Variants in KIF24 observed in about 807,000 individuals in gnomAD.
KIF24 encodes kinesin family member 24, also known as kinesin-like protein KIF24.
A neutral mutation model predicts 118.9 loss-of-function variants in KIF24; 81 were observed. That is an observed-to-expected ratio of 0.68 (90% CI 0.57 to 0.82). KIF24 has a LOEUF of 0.82. Among genes scored for constraint, KIF24 ranks in the 40% least tolerant of loss-of-function variants. The probability of loss-of-function intolerance (pLI) is 0.00; values close to 1 mark genes in which losing one functional copy is unlikely to be tolerated. For missense variants in KIF24, 1,560 were observed against 1,661.6 expected, an observed-to-expected ratio of 0.94 and a Z score of 1.06; for synonymous variants, 599 against 610.0, an observed-to-expected ratio of 0.98 and a Z score of 0.27.
chr9:34,329,859 G>GGA (rs1837838321), upstream of KIF24, among the ~76,000 whole-genome samples: 1 of 147,572 alleles, frequency 6.8e-6, no homozygotes, highest in African/African-American at 2.5e-5. Flanking sequence ...GATAGGGTGG[G>GGA]TCGTCCAAAT....
Position 34,293,496 on chromosome 9 carries a change from C to T in KIF24, c.912-3107G>A, listed in dbSNP as rs1363666852. On this transcript the variant is annotated intron_variant, in intron 4 of 12. Transcript: ENST00000402558. Reference sequence around the variant, plus strand: ...CTATCTCAAAAAAAAAAAAAAAGGCCGGACGCGGTGGCTCAGGCCTGTAAT... The same window carrying T: ...CTATCTCAAAAAAAAAAAAAAAGGCTGGACGCGGTGGCTCAGGCCTGTAAT... Among the ~76,000 whole-genome samples, 5 of 131,076 alleles carry T rather than the reference C, an allele frequency of 3.8e-5. No individual in the cohort carries two copies. The East Asian group carries it at 6.6e-4, about 17-fold the overall frequency. The allele number at this position is 131,076 out of a possible 152,430, so 86.0% of individuals were successfully genotyped here.
chr9:34,312,401 G>T (rs1837199005), intron 1 of KIF24, among the ~76,000 whole-genome samples: 1 of 152,148 alleles, frequency 6.6e-6, no homozygotes, highest in Non-Finnish European at 1.5e-5. Context: ...CTATATCACT[G>T]TTAATCAAGT....
intron 1 of KIF24, among the ~76,000 whole-genome samples, chr9:34,312,845 C>G (rs1837213783): frequency 1.3e-5 from 2 of 152,112 alleles, no homozygotes; most frequent in Admixed American, 1.3e-4. Flanking sequence ...TTCACAGGTG[C>G]GTGCCACCAC....
intron 6 of KIF24, among the ~76,000 whole-genome samples, chr9:34,277,063 C>CT (rs1477977944): frequency 2.6e-5 from 4 of 152,116 alleles, no homozygotes; most frequent in Middle Eastern, 3.4e-3. Context: ...TTCTCAAACT[C>CT]TTTTTTTTCT....
At chr9:34,331,916 C>T (rs1837952269), upstream of KIF24, among the ~76,000 whole-genome samples, 1 of 152,228 alleles carries the variant, frequency 6.6e-6, no homozygotes, top group South Asian at 2.1e-4. Context: ...GTCCCTTAGA[C>T]AATGAAATAT....
rs1345747994 is a variant in KIF24, at chr9:34,305,537, G to A, written c.813+715C>T. On this transcript the variant is annotated intron_variant, in intron 3 of 12. Coordinates refer to ENST00000402558, the MANE Select transcript of KIF24 (RefSeq NM_194313.4). ...AAGCAAGAATGGAAATCAACTGTGT[G>A]ACATCTCATAGTCATATATTCAGTG... 2.0e-5 allele frequency among the ~76,000 whole-genome samples: 3 copies of A among 152,334 alleles called. 1 individual carries two copies. In the South Asian group the frequency reaches 6.2e-4, roughly 32 times the overall value.
At chr9:34,278,482 C>T (rs556869969) in intron 6 of KIF24, among the ~76,000 whole-genome samples, 1 of 150,626 alleles carries the variant, frequency 6.6e-6, no homozygotes, top group Non-Finnish European at 1.5e-5. Flanking sequence ...TAAACTATTT[C>T]TTTTTTTCAT....
At position 34,318,969 on chromosome 9, in the gene KIF24, C is replaced by A; in HGVS notation, c.-25-7598G>T. On this transcript the variant is annotated intron_variant, in intron 1 of 12. Transcript: ENST00000402558. The surrounding 1 kb of genome is among the most constrained non-coding windows in gnomAD (Gnocchi z 4.9). The stretch of plus-strand genomic sequence containing the variant: ...ACCGACGGCAAGCTGCCCAAGGTCA[C>A]CAAGGACATGGAGTGCATGGATGGC... The A allele has an allele frequency of 7.2e-7, 1 of 1,387,992 alleles. No individual in the cohort carries two copies. The highest frequency in any genetic ancestry group is 1.0e-6 in the Non-Finnish European group (1 of 979,744). 86.0% of individuals were successfully genotyped at this position (1,387,992 alleles called of 1,614,324 possible).
At chr9:34,285,133 C>T (rs1421964481) in intron 6 of KIF24, among the ~76,000 whole-genome samples, 1 of 151,946 alleles carries the variant, frequency 6.6e-6, no homozygotes, top group East Asian at 1.9e-4. Context: ...TTACATATTT[C>T]TGTAATGTTT....
chr9:34,256,114 C>A lies in KIF24; in HGVS notation c.3493G>T (p.Glu1165Ter). 6.2e-7 allele frequency: 1 copy of A among 1,610,240 alleles called. No homozygotes were observed. ...QSRETVLFSH[E>*]HMGSEQYDAD... is the part of the protein sequence containing the mutation. ...TCATACTGCTCACTACCCATGTGTT[C>A]GTGGGAGAAAAGTACAGTCTCTCTG... The change falls in exon 11 of 13, where the codon GAA (glutamate) becomes TAA (stop). Residue 1165 changes from glutamate to a stop codon, truncating the protein, a stop_gained. Transcript: ENST00000402558. LOFTEE classifies it high-confidence loss of function.
intron 7 of KIF24, 104 bp downstream of exon 7, chr9:34,271,705 G>T: frequency 1.6e-6 from 2 of 1,231,666 alleles, no homozygotes; most frequent in Admixed American, 2.3e-5. Flanking sequence ...TCCCTGCAAT[G>T]AAGAACTCCA....
At chr9:34,283,036 G>A (rs1835905461) in intron 6 of KIF24, among the ~76,000 whole-genome samples, 1 of 101,472 alleles carries the variant, frequency 9.9e-6, no homozygotes, top group Non-Finnish European at 1.8e-5. Flanking sequence ...TGGGCGACAA[G>A]AGCAAAACTC....
At chr9:34,325,495 C>A (rs1458464661) in intron 1 of KIF24, among the ~76,000 whole-genome samples, 1 of 151,976 alleles carries the variant, frequency 6.6e-6, no homozygotes, top group Admixed American at 6.6e-5. Context: ...AAGTTCGAGA[C>A]CAGCCTGGTC....
rs567455285 is a variant in KIF24, at chr9:34,287,528, C to T, written c.1128-824G>A. On this transcript the variant is annotated intron_variant, in intron 5 of 12. Transcript: ENST00000402558. Reference sequence around the variant, plus strand: ...AAAGACTCTAAGATTATTTTTCCCTCTTAATAAGATACTGATTAGGGTTAA... The same window carrying T: ...AAAGACTCTAAGATTATTTTTCCCTTTTAATAAGATACTGATTAGGGTTAA... 2.6e-5 allele frequency among the ~76,000 whole-genome samples: 4 copies of T among 152,238 alleles called. No individual in the cohort carries two copies. In the East Asian group the frequency reaches 7.7e-4, roughly 29 times the overall value.
Position 34,255,909 on chromosome 9 carries a change from TGC to T in KIF24, c.3696_3697del (p.Trp1232Ter), listed in dbSNP as rs779286971. Reference sequence around the variant, plus strand: ...GGGGTCTGTGGACAAACCAAACTCCTGCCAACCAAGCCTTGTAGGATGTTTTC... The same window carrying T: ...GGGGTCTGTGGACAAACCAAACTCCTCAACCAAGCCTTGTAGGATGTTTTC... On this transcript the variant is annotated stop_gained and frameshift_variant, in exon 11 of 13. Coordinates refer to ENST00000402558, the MANE Select transcript of KIF24 (RefSeq NM_194313.4). LOFTEE classifies it high-confidence loss of function. The T allele has an allele frequency of 5.0e-6, 8 of 1,613,970 alleles. No homozygotes were observed. Among genetic ancestry groups the T allele is most frequent in the Non-Finnish European group, 6.8e-6 (8 of 1,179,860 alleles).
chr9:34,310,146 G>T (rs1472111587), intron 2 of KIF24, among the ~76,000 whole-genome samples: 1 of 152,036 alleles, frequency 6.6e-6, no homozygotes, highest in Non-Finnish European at 1.5e-5. Flanking sequence ...CACCAACAAT[G>T]TCTTACTGTT....
chr9:34,290,444 C>A, intron 4 of KIF24, 55 bp from the exon 5 acceptor site: 2 of 1,143,844 alleles, frequency 1.7e-6, no homozygotes, highest in Non-Finnish European at 2.5e-6. Flanking sequence ...TATTAGTTTA[C>A]CCATAGATTT....
intron 2 of KIF24, among the ~76,000 whole-genome samples, chr9:34,308,890 G>A (rs1246372892): frequency 6.6e-6 from 1 of 151,996 alleles, no homozygotes; most frequent in Non-Finnish European, 1.5e-5. Flanking sequence ...GACCAGCCTG[G>A]GTAACATAGT....
chr9:34,309,689 T>C (rs967031829), intron 2 of KIF24, among the ~76,000 whole-genome samples: 1 of 152,182 alleles, frequency 6.6e-6, no homozygotes, highest in African/African-American at 2.4e-5. Flanking sequence ...TGTGATCTCC[T>C]AGACCAAACA....
Sources: allele counts gnomAD v4.1 joint callset (sites outside exome capture counted in the v4.1 genomes callset), GRCh38; gene constraint gnomAD v4.1.1; non-coding constraint Gnocchi (gnomAD v3.1); transcripts MANE v1.5; gene names NCBI Gene and HGNC (gene_info 2026-07-23, HGNC 2026-07-21).